The following KCNH5 variants were observed in gnomAD, a reference collection of about 807,000 sequenced individuals.
KCNH5 encodes potassium voltage-gated channel subfamily H member 5, also known as voltage-gated delayed rectifier potassium channel KCNH5.
KCNH5 carries 46 observed loss-of-function variants against 96.1 expected under a neutral mutation model. The observed-to-expected ratio is 0.48, with a 90% CI of 0.38 to 0.61. The LOEUF (loss-of-function observed/expected upper bound fraction) is 0.61. Ranked by LOEUF, KCNH5 falls within the 20% of genes least tolerant of loss-of-function variation. The pLI is 0.00. For synonymous variants in KCNH5, 439 were observed against 449.8 expected (o/e 0.98, Z 0.30); for missense variants, 907 against 1,225.8 (o/e 0.74, Z 3.88).
chr14:62,815,907 G>C (rs1344773516), intron 8 of KCNH5, among the ~76,000 whole-genome samples: 11 of 151,830 alleles, frequency 7.2e-5, no homozygotes, highest in Non-Finnish European at 1.5e-4. Context: ...AGAAAGTAAA[G>C]GTAGTCAAAA....
intron 9 of KCNH5, among the ~76,000 whole-genome samples, chr14:62,786,063 C>A (rs908177755): frequency 1.3e-5 from 2 of 151,768 alleles, no homozygotes. Flanking sequence ...CAGTGGCGGG[C>A]GCCTGTAATC....
At chr14:62,978,405 C>T (rs1488493517) in intron 6 of KCNH5, among the ~76,000 whole-genome samples, 4 of 152,072 alleles carry the variant, frequency 2.6e-5, no homozygotes, top group African/African-American at 9.7e-5. Flanking sequence ...AGTGTTCTAA[C>T]GTAGTTTCGG....
intron 10 of KCNH5, among the ~76,000 whole-genome samples, chr14:62,746,921 T>C (rs1566647260): frequency 6.6e-6 from 1 of 152,224 alleles, no homozygotes; most frequent in Non-Finnish European, 1.5e-5. Context: ...ATAGTGTTTT[T>C]AGAAAAATTA....
In KCNH5 at chr14:62,870,206, C is replaced by T. The variant is rs1446237407; in HGVS notation, c.1370-20354G>A. ...TAGGACAAGTTACATACAAATTAGC[C>T]TCCACTGGTTTCTTTGACACACATA... On this transcript the variant is annotated intron_variant, in intron 7 of 10. Transcript: ENST00000322893. 2.0e-5 allele frequency among the ~76,000 whole-genome samples: 3 copies of T among 152,210 alleles called. No homozygotes were observed. The East Asian group carries it at 5.8e-4, about 29-fold the overall frequency.
chr14:62,895,497 AT>A lies in KCNH5; in HGVS notation c.1370-45646del, dbSNP rs1888792812. On this transcript the variant is annotated intron_variant, in intron 7 of 10. Transcript: ENST00000322893. ...AGGTATGCGCCACCACACCCAGCTA[AT>A]TTTGTATTTTCTTTAGTAGAGACAG... Among the ~76,000 whole-genome samples the A allele has an allele frequency of 2.0e-5, 3 of 152,006 alleles. No homozygotes were observed. In the South Asian group the frequency reaches 6.2e-4, roughly 32 times the overall value.
chr14:62,878,272 C>T (rs756567050), intron 7 of KCNH5, among the ~76,000 whole-genome samples: 5 of 151,440 alleles, frequency 3.3e-5, no homozygotes, highest in Non-Finnish European at 1.5e-5. Flanking sequence ...GGGTCCAGCA[C>T]ACCAGCATGG....
chr14:62,958,667 CA>C (rs937142402), intron 6 of KCNH5, among the ~76,000 whole-genome samples: 12 of 152,108 alleles, frequency 7.9e-5, no homozygotes, highest in Admixed American at 7.9e-4. Flanking sequence ...ATAACATCAA[CA>C]CCCTAAATTG....
chr14:62,882,100 T>TAAAAAAAAAA (rs143123435), intron 7 of KCNH5, among the ~76,000 whole-genome samples: 7 of 76,658 alleles, frequency 9.1e-5, no homozygotes, highest in African/African-American at 3.5e-4. Flanking sequence ...CCCCATTTCT[T>TAAAAAAAAAA]AAAAAAAAAA....
At chr14:63,012,855 C>G (rs189663913) in intron 2 of KCNH5, among the ~76,000 whole-genome samples, 45 of 151,290 alleles carry the variant, frequency 3.0e-4, no homozygotes, top group Admixed American at 2.9e-3. Flanking sequence ...CCAACATATG[C>G]AAAGCAATAT....
intron 7 of KCNH5, among the ~76,000 whole-genome samples, chr14:62,912,330 G>A (rs1020767695): frequency 6.6e-6 from 1 of 151,386 alleles, no homozygotes; most frequent in Non-Finnish European, 1.5e-5. Flanking sequence ...TACTTATACT[G>A]TTTGCTGAGT....
At chr14:62,749,557 C>T (rs981490421) in intron 10 of KCNH5, among the ~76,000 whole-genome samples, 1 of 152,194 alleles carries the variant, frequency 6.6e-6, no homozygotes, top group Non-Finnish European at 1.5e-5. Flanking sequence ...TCTTTGATTT[C>T]CATATTCAAG....
intron 3 of KCNH5, among the ~76,000 whole-genome samples, chr14:63,003,299 T>G (rs2139593262): frequency 6.7e-6 from 1 of 150,058 alleles, no homozygotes; most frequent in East Asian, 2.0e-4. Flanking sequence ...TATTCTGGAT[T>G]TGGGGTTCAG....
At chr14:62,960,969 G>A (rs1890194969) in intron 6 of KCNH5, among the ~76,000 whole-genome samples, 1 of 152,164 alleles carries the variant, frequency 6.6e-6, no homozygotes, top group Non-Finnish European at 1.5e-5. Flanking sequence ...TATCCATAAT[G>A]TAGTAACTTT....
intron 9 of KCNH5, among the ~76,000 whole-genome samples, chr14:62,799,043 C>G (rs977680198): frequency 2.6e-5 from 4 of 152,118 alleles, no homozygotes; most frequent in Non-Finnish European, 5.9e-5. Flanking sequence ...CCTCTCTGAC[C>G]CTTGCAAGAT....
At chr14:62,915,911 G>C (rs1340080483) in intron 7 of KCNH5, among the ~76,000 whole-genome samples, 1 of 151,832 alleles carries the variant, frequency 6.6e-6, no homozygotes, top group South Asian at 2.1e-4. Context: ...CACCTGCATA[G>C]TAAGTGGCTT....
Position 62,708,316 on chromosome 14 carries a change from C to T in KCNH5, c.2159G>A (p.Arg720Gln), listed in dbSNP as rs201820912. ...FQKFKQQKEL[R>Q]NQGSTQGDPE... ...GTCACCCTGTGTTGAGCCCTGATTC[C>T]GCAGCTCCTTCTGCTGCTTGAACTT... The change falls in exon 11 of 11, where the codon CGG becomes CAG. Residue 720 changes from arginine to glutamine, a missense_variant. This residue lies in a region of KCNH5 where 362 missense variants were observed against 394.4 expected (regional missense o/e 0.92). Transcript: ENST00000322893. The T allele has an allele frequency of 1.2e-6, 2 of 1,614,132 alleles. No individual in the cohort carries two copies. The highest frequency in any genetic ancestry group is 2.2e-5 in the East Asian group (1 of 44,862).
intron 10 of KCNH5, among the ~76,000 whole-genome samples, chr14:62,726,941 G>C (rs1237630937): frequency 2.0e-5 from 3 of 152,178 alleles, no homozygotes; most frequent in East Asian, 1.9e-4. Context: ...CACAACTATA[G>C]ACAACAGTGA....
At chr14:62,987,871 C>T (rs1464595645) in intron 4 of KCNH5, among the ~76,000 whole-genome samples, 6 of 152,104 alleles carry the variant, frequency 3.9e-5, no homozygotes, top group Admixed American at 3.9e-4. Flanking sequence ...TGTTTGTGTG[C>T]AGATATAAGA....
chr14:62,810,892 T>C (rs1263182422), intron 8 of KCNH5, among the ~76,000 whole-genome samples: 1 of 152,026 alleles, frequency 6.6e-6, no homozygotes, highest in African/African-American at 2.4e-5. Flanking sequence ...TTGCATGAGA[T>C]CCAAGAACCC....
Sources: gnomAD v4.1 joint callset for allele counts (sites outside exome capture counted in the v4.1 genomes callset) on GRCh38, gnomAD v4.1.1 for gene constraint, gnomAD v4.1.1 regional missense constraint, MANE v1.5 for transcripts, NCBI Gene and HGNC (gene_info 2026-07-23, HGNC 2026-07-21) for gene names.